The following SV2C variants were observed in gnomAD, a reference collection of about 807,000 sequenced individuals.
The protein encoded by SV2C is synaptic vesicle glycoprotein 2C.
In SV2C, 49 loss-of-function variants were observed where a neutral mutation model predicts 79.7. The ratio of observed to expected loss-of-function variants is 0.61; its 90% CI spans 0.49 to 0.78. The LOEUF (loss-of-function observed/expected upper bound fraction) is 0.78, where lower values mean the gene tolerates loss of function less well. SV2C is among the 30% of genes least tolerant of loss of function. SV2C has a pLI of 0.00. For synonymous variants in SV2C, 334 were observed against 333.2 expected (o/e 1.00, Z -0.03); for missense variants, 833 against 912.9 (o/e 0.91, Z 1.13).
At chr5:76,053,612 C>T in the SV2C span, among the ~76,000 whole-genome samples, 1 of 152,078 alleles carries the variant, frequency 6.6e-6, no homozygotes, top group Non-Finnish European at 1.5e-5. Flanking sequence ...ATCAGTAGTT[C>T]CGGTTTGGAG....
the SV2C span, among the ~76,000 whole-genome samples, chr5:76,054,624 T>C: frequency 6.6e-6 from 1 of 152,204 alleles, no homozygotes; most frequent in Non-Finnish European, 1.5e-5. Flanking sequence ...TGTAAAAGCA[T>C]TCCTATTTCT....
intron 12 of SV2C, among the ~76,000 whole-genome samples, chr5:76,304,035 G>A (rs1371768585): frequency 6.6e-6 from 1 of 152,190 alleles, no homozygotes; most frequent in Non-Finnish European, 1.5e-5. Flanking sequence ...GTGTGACTCA[G>A]GAAGCAGCCT....
chr5:76,039,549 A>C, the SV2C span, among the ~76,000 whole-genome samples: 1 of 152,184 alleles, frequency 6.6e-6, no homozygotes, highest in Non-Finnish European at 1.5e-5. Context: ...TGAGGTCAGG[A>C]GTTCAAGACC....
At chr5:76,097,284 T>C (rs560256494) in intron 1 of SV2C, among the ~76,000 whole-genome samples, 17 of 152,338 alleles carry the variant, frequency 1.1e-4, no homozygotes, top group South Asian at 2.1e-4. Flanking sequence ...AATTTTGATA[T>C]GTTGTAAATT....
chr5:76,113,663 A>C (rs750443021), intron 1 of SV2C, among the ~76,000 whole-genome samples: 1 of 152,148 alleles, frequency 6.6e-6, no homozygotes, highest in Non-Finnish European at 1.5e-5. Flanking sequence ...TTATAAACCC[A>C]ACTACTGAGC....
chr5:75,942,538 G>A, the SV2C span, among the ~76,000 whole-genome samples: 1 of 152,184 alleles, frequency 6.6e-6, no homozygotes. Flanking sequence ...AGCCTAGGCT[G>A]CCTCCCTGTC....
At chr5:76,078,600 G>A (rs1580248319), upstream of SV2C, 4 of 367,458 alleles carry the variant, frequency 1.1e-5, no homozygotes, top group Admixed American at 7.4e-5. Context: ...ACACGGGCAT[G>A]CCCCTACCCC....
intron 1 of SV2C, among the ~76,000 whole-genome samples, chr5:76,121,135 T>C (rs1403359083): frequency 6.6e-6 from 1 of 151,532 alleles, no homozygotes; most frequent in Non-Finnish European, 1.5e-5. Flanking sequence ...TGAGCATTTT[T>C]TCATGTCTTT....
intron 4 of SV2C, among the ~76,000 whole-genome samples, chr5:76,245,783 A>C (rs1402083071): frequency 6.6e-6 from 1 of 152,146 alleles, no homozygotes; most frequent in Admixed American, 6.5e-5. Context: ...AGATACTTAA[A>C]GGATGGAATT....
chr5:76,078,657 C>A (rs865920870), upstream of SV2C: 3 of 438,896 alleles, frequency 6.8e-6, no homozygotes, highest in Non-Finnish European at 1.4e-5. Context: ...GGGAGGGCCT[C>A]GCCTCACTGT....
At chr5:76,053,050 G>A in the SV2C span, among the ~76,000 whole-genome samples, 13 of 150,858 alleles carry the variant, frequency 8.6e-5, no homozygotes, top group East Asian at 3.9e-4. Flanking sequence ...ACCACACTCC[G>A]TATTCTGGCT....
Position 76,131,722 on chromosome 5 carries a change from T to A in SV2C, c.-29T>A. On this transcript the variant is annotated 5_prime_UTR_variant, in exon 2 of 13. Coordinates refer to ENST00000502798, the MANE Select transcript of SV2C (RefSeq NM_014979.4). ...GAAAGGAGGCTGTGAAAATTTCCCA[T>A]CTTCTCATTGGCCATCAGTTGAGAT... 6.4e-7 allele frequency: 1 copy of A among 1,550,526 alleles called. No homozygotes were observed. The highest frequency in any genetic ancestry group is 8.7e-7 in the Non-Finnish European group (1 of 1,145,770).
the SV2C span, among the ~76,000 whole-genome samples, chr5:75,932,074 C>T: frequency 6.6e-6 from 1 of 152,204 alleles, no homozygotes; most frequent in Non-Finnish European, 1.5e-5. Context: ...TAAATCCCAA[C>T]CATCTCAGAC....
intron 2 of SV2C, among the ~76,000 whole-genome samples, chr5:76,146,180 A>G (rs550281335): frequency 5.2e-4 from 79 of 152,314 alleles, no homozygotes; most frequent in African/African-American, 1.9e-3. Context: ...GAAAGCTTGG[A>G]CAAGAGCAGC....
At chr5:75,932,013 T>A in the SV2C span, among the ~76,000 whole-genome samples, 40 of 152,304 alleles carry the variant, frequency 2.6e-4, 1 homozygote, top group Middle Eastern at 0.014. Flanking sequence ...GCAGCCATAT[T>A]GTGTTGCTCA....
chr5:75,862,343 G>A, the SV2C span, among the ~76,000 whole-genome samples: 1 of 152,146 alleles, frequency 6.6e-6, no homozygotes, highest in Non-Finnish European at 1.5e-5. Context: ...GAGGCAGCTT[G>A]GGTTTAGACA....
intron 2 of SV2C, among the ~76,000 whole-genome samples, chr5:76,140,788 A>G (rs1749226883): frequency 6.6e-6 from 1 of 152,172 alleles, no homozygotes; most frequent in Non-Finnish European, 1.5e-5. Flanking sequence ...TGCAGACTTT[A>G]GGATCAGCAG....
At chr5:76,233,470 CA>C (rs1188475880) in intron 4 of SV2C, among the ~76,000 whole-genome samples, 20 of 102,266 alleles carry the variant, frequency 2.0e-4, no homozygotes, top group African/African-American at 6.9e-4. Context: ...GAACTTCCAA[CA>C]CTATGTTGAA....
chr5:75,853,542 C>G, the SV2C span, among the ~76,000 whole-genome samples: 1 of 110,438 alleles, frequency 9.1e-6, no homozygotes, highest in Admixed American at 1.3e-4. Context: ...GGCAGCACAG[C>G]GAGACTCCTT....
Sources: allele counts gnomAD v4.1 joint callset (sites outside exome capture counted in the v4.1 genomes callset), GRCh38; gene constraint gnomAD v4.1.1; transcripts MANE v1.5; gene names NCBI Gene and HGNC (gene_info 2026-07-23, HGNC 2026-07-21).